Variants in LRRC37A2 observed in about 807,000 individuals in gnomAD.
The protein encoded by LRRC37A2 is leucine rich repeat containing 37 member A2.
A neutral mutation model predicts 68.8 loss-of-function variants in LRRC37A2; 9 were observed. The ratio of observed to expected loss-of-function variants is 0.13; its 90% CI spans 0.08 to 0.23. The LOEUF is 0.23. Among genes scored for constraint, LRRC37A2 ranks in the 10% least tolerant of loss-of-function variants. The pLI is 1.00. For synonymous variants in LRRC37A2, 63 were observed against 367.6 expected, an observed-to-expected ratio of 0.17 and a Z score of 9.48; for missense variants, 168 against 950.4, an observed-to-expected ratio of 0.18 and a Z score of 10.82.
At chr17:46,874,194 A>C in the LRRC37A2 span, among the ~76,000 whole-genome samples, 17 of 152,132 alleles carry the variant, frequency 1.1e-4, no homozygotes, top group South Asian at 6.2e-4. Flanking sequence ...AGCAGAGAGG[A>C]GTGTCGGTGG....
chr17:46,939,342 C>A, the LRRC37A2 span: 1 of 1,009,664 alleles, frequency 9.9e-7, no homozygotes. Flanking sequence ...CTAGGGGAAA[C>A]AAGATGTAGT....
At chr17:46,994,286 G>A in the LRRC37A2 span, among the ~76,000 whole-genome samples, 1 of 152,040 alleles carries the variant, frequency 6.6e-6, no homozygotes, top group African/African-American at 2.4e-5. Flanking sequence ...TCAGGAGGCT[G>A]AGGCAGAAGA....
the LRRC37A2 span, among the ~76,000 whole-genome samples, chr17:47,000,091 T>TAAAATAAAATAAAATAAAATAAAAATAA: frequency 2.1e-4 from 13 of 62,606 alleles, no homozygotes; most frequent in South Asian, 5.6e-4. Context: ...TAAAATAAAA[T>TAAAATAAAATAAAATAAAATAAAAATAA]AAAATAAAAT....
chr17:46,825,722 T>G, the LRRC37A2 span, among the ~76,000 whole-genome samples: 12 of 152,242 alleles, frequency 7.9e-5, no homozygotes, highest in East Asian at 2.3e-3. Context: ...ACGTAAATGT[T>G]TCCTTAAAAA....
the LRRC37A2 span, chr17:46,935,058 A>AT: frequency 6.2e-6 from 10 of 1,612,316 alleles, no homozygotes; most frequent in Non-Finnish European, 8.5e-6. Flanking sequence ...CAATGGACGA[A>AT]TCACTGCAGT....
At chr17:46,543,818 G>T (rs2055866300) in intron 8 of LRRC37A2, among the ~76,000 whole-genome samples, 1 of 150,760 alleles carries the variant, frequency 6.6e-6, no homozygotes, top group African/African-American at 2.5e-5. Flanking sequence ...ATAAAAACTT[G>T]GGGGCAGAAA....
At chr17:46,857,165 T>C in the LRRC37A2 span, among the ~76,000 whole-genome samples, 3 of 152,228 alleles carry the variant, frequency 2.0e-5, no homozygotes, top group South Asian at 6.2e-4. Context: ...ATTCCCCACT[T>C]GATAGACATT....
At chr17:46,734,482 T>C in the LRRC37A2 span, among the ~76,000 whole-genome samples, 1 of 152,172 alleles carries the variant, frequency 6.6e-6, no homozygotes, top group Non-Finnish European at 1.5e-5. Flanking sequence ...ATACTCTCTT[T>C]AGGTATACTT....
the LRRC37A2 span, among the ~76,000 whole-genome samples, chr17:46,708,608 C>G: frequency 1.3e-5 from 2 of 148,552 alleles, no homozygotes; most frequent in Non-Finnish European, 1.5e-5. Flanking sequence ...TCTCCTGCCT[C>G]AGCCTCCCCA....
At chr17:46,551,354 G>A in intron 11 of LRRC37A2, among the ~76,000 whole-genome samples, 1 of 150,638 alleles carries the variant, frequency 6.6e-6, no homozygotes, top group East Asian at 1.9e-4. Context: ...TAATAAAGCT[G>A]GCAACCTTGA....
chr17:47,009,484 C>T, the LRRC37A2 span, among the ~76,000 whole-genome samples: 2 of 152,122 alleles, frequency 1.3e-5, no homozygotes, highest in Non-Finnish European at 2.9e-5. Context: ...TCCCTCTGGT[C>T]CCCCTTTGAA....
chr17:46,488,811 G>A, the LRRC37A2 span, among the ~76,000 whole-genome samples: 10 of 115,242 alleles, frequency 8.7e-5, no homozygotes, highest in Admixed American at 7.9e-4. Flanking sequence ...AAAGGTTGGG[G>A]ACTGCTGATG....
At chr17:46,490,936 C>T in the LRRC37A2 span, among the ~76,000 whole-genome samples, 1 of 149,832 alleles carries the variant, frequency 6.7e-6, no homozygotes, top group East Asian at 2.0e-4. Context: ...CTTCTGTCAC[C>T]CAGGCTGGAG....
the LRRC37A2 span, among the ~76,000 whole-genome samples, chr17:46,905,371 C>T: frequency 6.6e-6 from 1 of 152,186 alleles, no homozygotes; most frequent in Non-Finnish European, 1.5e-5. Context: ...CCACCGTATC[C>T]AGCTGGGATG....
the LRRC37A2 span, among the ~76,000 whole-genome samples, chr17:46,792,545 T>C: frequency 6.6e-6 from 1 of 152,108 alleles, no homozygotes; most frequent in African/African-American, 2.4e-5. Flanking sequence ...GCCGTGTTGG[T>C]TTACTGCAAC....
intron 6 of LRRC37A2, among the ~76,000 whole-genome samples, chr17:46,533,546 G>C (rs1406770110): frequency 7.5e-6 from 1 of 133,354 alleles, no homozygotes; most frequent in Non-Finnish European, 1.5e-5. Context: ...CTGTTGCCCA[G>C]GCTAGAGTGC....
chr17:46,948,819 C>T, the LRRC37A2 span: 3 of 152,244 alleles, frequency 2.0e-5, no homozygotes, highest in African/African-American at 7.2e-5. Context: ...GGGCTTGGGA[C>T]TGCCTGGGTT....
the LRRC37A2 span, among the ~76,000 whole-genome samples, chr17:46,810,325 A>G: frequency 5.9e-5 from 9 of 152,028 alleles, no homozygotes; most frequent in African/African-American, 1.2e-4. Context: ...CCTCTTTTCT[A>G]GGACTCACAG....
At chr17:46,844,505 T>C in the LRRC37A2 span, among the ~76,000 whole-genome samples, 2 of 152,128 alleles carry the variant, frequency 1.3e-5, no homozygotes, top group Non-Finnish European at 2.9e-5. Flanking sequence ...TGTAAACTTA[T>C]TTGTACCTGC....
Sources: allele counts gnomAD v4.1 joint callset (sites outside exome capture counted in the v4.1 genomes callset), GRCh38; gene constraint gnomAD v4.1.1; transcripts MANE v1.5; gene names NCBI Gene and HGNC (gene_info 2026-07-23, HGNC 2026-07-21).